Variants in CFH observed in about 807,000 individuals in gnomAD.
CFH encodes the protein H factor 1 (complement).
Under a neutral mutation model 147.3 loss-of-function variants are expected in CFH, and 53 were observed. That is an observed-to-expected ratio of 0.36 (90% confidence interval 0.29 to 0.45). The LOEUF (loss-of-function observed/expected upper bound fraction) is 0.45, where lower values mean the gene tolerates loss of function less well. Among genes scored for constraint, CFH ranks in the 20% least tolerant of loss-of-function variants. The probability of loss-of-function intolerance (pLI) is 1.00; values close to 1 mark genes in which losing one functional copy is unlikely to be tolerated. For missense variants in CFH, 1,380 were observed against 1,498.0 expected (o/e 0.92, Z 1.30); for synonymous variants, 536 against 489.4 (o/e 1.10, Z -1.26).
chr1:196,681,947 CTT>C (rs963704093), intron 6 of CFH, among the ~76,000 whole-genome samples: 4 of 151,704 alleles, frequency 2.6e-5, no homozygotes, highest in Non-Finnish European at 5.9e-5. Flanking sequence ...TTCAAACTCT[CTT>C]TGTTGCTTCT....
chr1:196,681,542 T>C (rs1479811560), intron 6 of CFH, among the ~76,000 whole-genome samples: 2 of 151,662 alleles, frequency 1.3e-5, no homozygotes, highest in East Asian at 3.9e-4. Flanking sequence ...TTTTATAATT[T>C]TTTTCCATTT....
chr1:196,706,483 T>C (rs1463627815), intron 9 of CFH, among the ~76,000 whole-genome samples: 1 of 151,994 alleles, frequency 6.6e-6, no homozygotes, highest in Non-Finnish European at 1.5e-5. Flanking sequence ...CCTAATGCCA[T>C]TAATCCCTGA....
chr1:196,695,320 T>C (rs1193013421), intron 9 of CFH, among the ~76,000 whole-genome samples: 7 of 152,124 alleles, frequency 4.6e-5, no homozygotes, highest in Non-Finnish European at 1.0e-4. Flanking sequence ...TGGTTGTAGA[T>C]GTGTGGTGTT....
chr1:196,658,407 ATT>A lies in CFH; in HGVS notation c.58+6253_58+6254del, dbSNP rs549213437. Among the ~76,000 whole-genome samples the A allele has an allele frequency of 2.8e-4, 26 of 92,250 alleles. 1 individual carries two copies. Among genetic ancestry groups the A allele is most frequent in the Admixed American group, 9.1e-4 (7 of 7,652 alleles). 60.5% of individuals were successfully genotyped at this position (92,250 alleles called of 152,430 possible). On this transcript the variant is annotated intron_variant, in intron 1 of 21. Transcript: ENST00000367429. ...GGATTACAGCCACCTTGCTCAGGTA[ATT>A]TTTTTTTTTTTTTTTTTTTTGAGAT...
intron 9 of CFH, among the ~76,000 whole-genome samples, chr1:196,710,759 G>A (rs531293698): frequency 1.4e-5 from 2 of 145,054 alleles, no homozygotes; most frequent in Admixed American, 7.1e-5. Context: ...GATTTAGTAA[G>A]ATCATACAGT....
At chr1:196,725,047 T>C in intron 11 of CFH, 74 bp from the exon 12 acceptor site, 1 of 1,289,550 alleles carries the variant, frequency 7.8e-7, no homozygotes, top group Non-Finnish European at 1.1e-6. Context: ...CCTCACTTTA[T>C]TGTGGCATAT....
rs1332042345 is a variant in CFH, at chr1:196,706,087, A to G, written c.1337-7648A>G. ...CTGAGTATGCTATTGTAACCCTGTGACAGATCCTAGATGCAGAGACACTCC... is the reference window on the plus strand; with the variant it reads ...CTGAGTATGCTATTGTAACCCTGTGGCAGATCCTAGATGCAGAGACACTCC... On this transcript the variant is annotated intron_variant, in intron 9 of 21. Coordinates refer to ENST00000367429, the MANE Select transcript of CFH (RefSeq NM_000186.4). 2.0e-5 allele frequency among the ~76,000 whole-genome samples: 3 copies of G among 152,078 alleles called. No homozygotes were observed. The South Asian group carries it at 6.3e-4, about 32-fold the overall frequency.
At position 196,743,628 on chromosome 1, in the gene CFH, G is replaced by T; in HGVS notation, c.3310G>T (p.Asp1104Tyr). Residue 1104 changes from aspartate to tyrosine, a missense_variant and splice_region_variant, in exon 20 of 22, where the codon GAT (aspartate) becomes TAT (tyrosine). By Grantham distance (160) the Asp-to-Tyr change is radical. Around this residue, in one of 4 missense-constraint regions of CFH, gnomAD observed 123 missense variants for 185.3 expected, o/e 0.66. Transcript: ENST00000367429. Reference protein sequence around the residue: ...GNWTEPPQCKDSTGKCGPPPP... With the variant: ...GNWTEPPQCKYSTGKCGPPPP... ...CTGGACGGAACCACCTCAATGCAAA[G>T]GTAGAGTATTATATTTCTTTTAACA... 2 of 1,613,886 alleles carry T rather than the reference G, an allele frequency of 1.2e-6. No homozygotes were observed. Among genetic ancestry groups the T allele is most frequent in the South Asian group, 2.2e-5 (2 of 91,080 alleles).
intron 6 of CFH, 24 bp from the exon 7 acceptor site, chr1:196,685,040 T>C (rs775948824): frequency 1.3e-6 from 2 of 1,528,042 alleles, no homozygotes; most frequent in Non-Finnish European, 1.8e-6. Context: ...TTCTGCATTA[T>C]CCATATATCC....
chr1:196,713,167 G>C (rs1391898987), intron 9 of CFH, among the ~76,000 whole-genome samples: 9 of 152,040 alleles, frequency 5.9e-5, no homozygotes, highest in Non-Finnish European at 1.3e-4. Context: ...ATAATTTGAG[G>C]AATCATCATT....
intron 7 of CFH, among the ~76,000 whole-genome samples, chr1:196,685,538 T>C (rs999915476): frequency 6.6e-6 from 1 of 152,112 alleles, no homozygotes; most frequent in Non-Finnish European, 1.5e-5. Context: ...ATTTATTGCA[T>C]TGTAACAAAA....
At chr1:196,707,837 T>A (rs1373024495) in intron 9 of CFH, among the ~76,000 whole-genome samples, 1 of 152,192 alleles carries the variant, frequency 6.6e-6, no homozygotes, top group African/African-American at 2.4e-5. Flanking sequence ...ATAACAGGAA[T>A]GTTTGTTATT....
In CFH at chr1:196,725,169, G is replaced by C. The variant is rs138890387; in HGVS notation, c.1745G>C (p.Arg582Pro). The C allele has an allele frequency of 6.2e-7, 1 of 1,613,698 alleles. No individual in the cohort carries two copies. Among genetic ancestry groups the C allele is most frequent in the Admixed American group, 1.7e-5 (1 of 59,986 alleles). ...ATAGATGTACACTTAGTTCCTGATCGCAAGAAAGACCAGTATAAAGTTGGA... is the reference window on the plus strand; with the variant it reads ...ATAGATGTACACTTAGTTCCTGATCCCAAGAAAGACCAGTATAAAGTTGGA... ...PKIDVHLVPD[R>P]KKDQYKVGEV... Residue 582 changes from arginine to proline, a missense_variant, in exon 12 of 22, where the codon CGC becomes CCC. Physicochemically the swap from Arg to Pro is moderately radical, Grantham distance 103. Around this residue, in one of 4 missense-constraint regions of CFH, gnomAD observed 830 missense variants for 821.4 expected, o/e 1.01. Transcript: ENST00000367429.
At chr1:196,670,594 C>T (rs899907391) in intron 1 of CFH, among the ~76,000 whole-genome samples, 1 of 152,142 alleles carries the variant, frequency 6.6e-6, no homozygotes, top group African/African-American at 2.4e-5. Context: ...CTTCCCCTTC[C>T]ACCATGACTG....
intron 11 of CFH, among the ~76,000 whole-genome samples, chr1:196,717,665 A>G (rs1344706203): frequency 6.6e-6 from 1 of 152,122 alleles, no homozygotes; most frequent in East Asian, 1.9e-4. Context: ...TTGCTTGAGG[A>G]AAGTTGTGCA....
At chr1:196,743,656 T>A in intron 20 of CFH, 28 bp downstream of exon 20, 5 of 1,613,608 alleles carry the variant, frequency 3.1e-6, no homozygotes, top group Non-Finnish European at 4.2e-6. Context: ...TTTTAACATT[T>A]TGGGGGAGTA....
At chr1:196,660,336 A>G (rs1433254734) in intron 1 of CFH, among the ~76,000 whole-genome samples, 1 of 152,258 alleles carries the variant, frequency 6.6e-6, no homozygotes, top group African/African-American at 2.4e-5. Context: ...AGATCCGAGA[A>G]AGTGGCAAGA....
At position 196,725,129 on chromosome 1, in the gene CFH, T is replaced by G; in HGVS notation, c.1705T>G (p.Cys569Gly). 6.2e-7 allele frequency: 1 copy of G among 1,612,946 alleles called. No individual in the cohort carries two copies. Residue 569 changes from cysteine (C) to glycine (G), a missense_variant, in exon 12 of 22, where the codon TGC becomes GGC. Physicochemically the swap from Cys to Gly is radical, Grantham distance 159. This residue lies in a region of CFH where 830 missense variants were observed against 821.4 expected (regional missense o/e 1.01). Coordinates refer to ENST00000367429, the MANE Select transcript of CFH (RefSeq NM_000186.4). ...ATTTTACCTTTTTCAAGAAAGAGAA[T>G]GCGAACTTCCTAAAATAGATGTACA... ...SDLPICYERE[C>G]ELPKIDVHLV...
At chr1:196,658,407 A>ATGTTTTTTTT (rs1666782496) in intron 1 of CFH, among the ~76,000 whole-genome samples, 1 of 92,276 alleles carries the variant, frequency 1.1e-5, no homozygotes, top group African/African-American at 5.2e-5. Flanking sequence ...TGCTCAGGTA[A>ATGTTTTTTTT]TTTTTTTTTT....
Sources: gnomAD v4.1 joint callset for allele counts (sites outside exome capture counted in the v4.1 genomes callset) on GRCh38, gnomAD v4.1.1 for gene constraint, gnomAD v4.1.1 regional missense constraint, MANE v1.5 for transcripts, NCBI Gene and HGNC (gene_info 2026-07-23, HGNC 2026-07-21) for gene names.